The following TBPL1 variants were observed in gnomAD, a reference collection of about 807,000 sequenced individuals.
TBPL1 encodes the protein TATA box-binding protein-like 1.
A neutral mutation model predicts 22.1 loss-of-function variants in TBPL1; 4 were observed. The observed-to-expected ratio is 0.18, with a 90% CI of 0.09 to 0.41. The LOEUF is 0.41. Among genes scored for constraint, TBPL1 ranks in the 10% least tolerant of loss-of-function variants. The probability of loss-of-function intolerance (pLI) is 1.00; values close to 1 mark genes in which losing one functional copy is unlikely to be tolerated. For missense variants in TBPL1, 115 were observed against 222.3 expected (o/e 0.52, Z 3.07); for synonymous variants, 64 against 71.0 (o/e 0.90, Z 0.50).
chr6:133,984,612 G>C lies in TBPL1; in HGVS notation c.422G>C (p.Arg141Pro). 6.2e-7 allele frequency: 1 copy of C among 1,612,966 alleles called. No homozygotes were observed. The highest frequency in any genetic ancestry group is 2.2e-5 in the East Asian group (1 of 44,818). ...GAACTTCATCCTGCTGTGTGCTATC[G>C]GATAAAATCTCTAAGAGCTACATTA... ...EPELHPAVCYRIKSLRATLQI... is the reference protein window; with the variant it reads ...EPELHPAVCYPIKSLRATLQI... The change falls in exon 6 of 7, where the codon CGG (arginine) becomes CCG (proline). Residue 141 changes from arginine to proline, a missense_variant. Coordinates refer to ENST00000237264, the MANE Select transcript of TBPL1 (RefSeq NM_004865.4).
intron 5 of TBPL1, 24 bp downstream of exon 5, chr6:133,984,503 T>G (rs768489061): frequency 6.2e-7 from 1 of 1,611,542 alleles, no homozygotes; most frequent in East Asian, 2.2e-5. Context: ...GCAATTTATC[T>G]TGAGAAATTA....
chr6:133,962,454 G>T (rs1160147642), intron 1 of TBPL1, among the ~76,000 whole-genome samples: 6 of 152,208 alleles, frequency 3.9e-5, no homozygotes, highest in Admixed American at 3.9e-4. Flanking sequence ...AGAAGAATGA[G>T]AGATGAAGGA....
rs200249148 is a variant in TBPL1, at chr6:133,987,648, G to GTGTGTATATATATATATATATA, written c.*609_*610insGTGTATATATATATATATATAT. 1.2e-4 allele frequency: 11 copies of GTGTGTATATATATATATATATA among 88,312 alleles called. No homozygotes were observed. The highest frequency in any genetic ancestry group is 4.0e-4 in the African/African-American group (11 of 27,494). The allele number at this position is 88,312 out of a possible 1,614,324, so 5.5% of individuals were successfully genotyped here. A position where few individuals can be genotyped will look rare whatever the true frequency, so the allele number is the denominator to read the frequency against. On this transcript the variant is annotated 3_prime_UTR_variant, in exon 7 of 7. Coordinates refer to ENST00000237264, the MANE Select transcript of TBPL1 (RefSeq NM_004865.4). The stretch of plus-strand genomic sequence containing the variant: ...TTTGTGTGTGTGTGTGTGTGTGTGT[G>GTGTGTATATATATATATATATA]TATATATATATATATATATGCACCA...
rs535649859 is a variant in TBPL1, at chr6:133,984,363, T to G, written c.283-13T>G. The G allele has an allele frequency of 1.3e-6, 2 of 1,564,588 alleles. 1 individual carries two copies. The highest frequency in any genetic ancestry group is 2.3e-5 in the South Asian group (2 of 86,026). Reference sequence around the variant, plus strand: ...TCAAAATAAATTTATTGAATTTTACTTCTCTCCTAAAGGTAATATTTACAG... The same window carrying G: ...TCAAAATAAATTTATTGAATTTTACGTCTCTCCTAAAGGTAATATTTACAG... On this transcript the variant is annotated splice_polypyrimidine_tract_variant and intron_variant, in intron 4 of 6. Transcript: ENST00000237264.
intron 6 of TBPL1, chr6:133,985,746 A>G (rs948982239): frequency 1.9e-4 from 29 of 152,190 alleles, no homozygotes; most frequent in African/African-American, 5.8e-4. Context: ...TAGTCTCTCA[A>G]CAAATAAACT....
chr6:133,984,400 G>C lies in TBPL1; in HGVS notation c.307G>C (p.Val103Leu). The change falls in exon 5 of 7, where the codon GTT (valine) becomes CTT (leucine). Residue 103 changes from valine to leucine, a missense_variant. Val to Leu is a conservative substitution (Grantham distance 32, BLOSUM62 1). Transcript: ENST00000237264. ...FQVIFTDFKVVNVLAVCNMPF... is the reference protein window; with the variant it reads ...FQVIFTDFKVLNVLAVCNMPF... Reference sequence around the variant, plus strand: ...GGTAATATTTACAGATTTTAAGGTTGTTAACGTTCTGGCAGTGTGTAACAT... The same window carrying C: ...GGTAATATTTACAGATTTTAAGGTTCTTAACGTTCTGGCAGTGTGTAACAT... 1 of 1,612,806 alleles carries C rather than the reference G, an allele frequency of 6.2e-7. No homozygotes were observed. Among genetic ancestry groups the C allele is most frequent in the Non-Finnish European group, 8.5e-7 (1 of 1,179,516 alleles).
Position 133,980,279 on chromosome 6 carries a change from G to T in TBPL1, c.135+19G>T. The T allele has an allele frequency of 1.3e-6, 2 of 1,591,944 alleles. No individual in the cohort carries two copies. Among genetic ancestry groups the T allele is most frequent in the Non-Finnish European group, 1.7e-6 (2 of 1,171,782 alleles). On this transcript the variant is annotated intron_variant, in intron 2 of 6. Transcript: ENST00000237264. Reference sequence around the variant, plus strand: ...TGTTGGAGTAAGTATCTGAGTTTTCGTATTTGTACTACATAGCCTAATTTT... The same window carrying T: ...TGTTGGAGTAAGTATCTGAGTTTTCTTATTTGTACTACATAGCCTAATTTT...
chr6:133,955,470 A>G (rs560427331), intron 1 of TBPL1, among the ~76,000 whole-genome samples: 4 of 151,854 alleles, frequency 2.6e-5, no homozygotes, highest in Admixed American at 2.6e-4. Context: ...CTGCATGTGC[A>G]TTTCATTAAT....
At position 133,985,296 on chromosome 6, in the gene TBPL1, AAATATATATATATATATATAT is replaced by A. The variant is rs1230603935; in HGVS notation, c.481+627_481+647del. ...CTGTCTAAAAAAAAAAAAAAAAAAAAAATATATATATATATATATATATATATATATATATATATATACACA... is the reference window on the plus strand; with the variant it reads ...CTGTCTAAAAAAAAAAAAAAAAAAAAATATATATATATATATATATACACA... On this transcript the variant is annotated intron_variant, in intron 6 of 6. Coordinates refer to ENST00000237264, the MANE Select transcript of TBPL1 (RefSeq NM_004865.4). Among the ~76,000 whole-genome samples the A allele has an allele frequency of 7.2e-4, 50 of 69,006 alleles. 11 individuals carry two copies. Among genetic ancestry groups the A allele is most frequent in the Non-Finnish European group, 9.8e-4 (35 of 35,608 alleles). 45.3% of individuals were successfully genotyped at this position (69,006 alleles called of 152,430 possible).
At chr6:133,960,683 A>G (rs762632464) in intron 1 of TBPL1, among the ~76,000 whole-genome samples, 1 of 152,136 alleles carries the variant, frequency 6.6e-6, no homozygotes, top group Non-Finnish European at 1.5e-5. Flanking sequence ...CTCTTTGGGT[A>G]TAGAGGAAAA....
chr6:133,975,384 A>G lies in TBPL1; in HGVS notation c.-44-4698A>G, dbSNP rs1776296239. 4.6e-5 allele frequency among the ~76,000 whole-genome samples: 6 copies of G among 129,226 alleles called. No individual in the cohort carries two copies. In the South Asian group the frequency reaches 1.5e-3, roughly 31 times the overall value. 84.8% of individuals were successfully genotyped at this position (129,226 alleles called of 152,430 possible). On this transcript the variant is annotated intron_variant, in intron 1 of 6. Coordinates refer to ENST00000237264, the MANE Select transcript of TBPL1 (RefSeq NM_004865.4). ...GACATGAATTATTTTAAAACTCTTAAAGAAATTGAATTTAAAAGTTTAAAT... is the reference window on the plus strand; with the variant it reads ...GACATGAATTATTTTAAAACTCTTAGAGAAATTGAATTTAAAAGTTTAAAT...
chr6:133,976,690 GA>G (rs1183701488), intron 1 of TBPL1, among the ~76,000 whole-genome samples: 1 of 152,076 alleles, frequency 6.6e-6, no homozygotes, highest in Non-Finnish European at 1.5e-5. Flanking sequence ...ATGCTTTGTA[GA>G]AACTGAGCTA....
intron 2 of TBPL1, 93 bp from the exon 3 acceptor site, chr6:133,982,475 A>AGCT: frequency 9.5e-7 from 1 of 1,057,172 alleles, no homozygotes; most frequent in Non-Finnish European, 1.4e-6. Flanking sequence ...ATAAGCTTGG[A>AGCT]GAGTAGTATT....
At chr6:133,961,388 G>A (rs546188115) in intron 1 of TBPL1, among the ~76,000 whole-genome samples, 3 of 151,750 alleles carry the variant, frequency 2.0e-5, no homozygotes, top group African/African-American at 4.8e-5. Flanking sequence ...GCCCTCTGCC[G>A]GGTTGCTCTT....
Position 133,982,888 on chromosome 6 carries a change from T to C in TBPL1, c.282+8T>C. ...CAGAAACTAGGTTTTCAGGTAACGTTTTCAAATAGTATCTAAACTACAAAT... is the reference window on the plus strand; with the variant it reads ...CAGAAACTAGGTTTTCAGGTAACGTCTTCAAATAGTATCTAAACTACAAAT... On this transcript the variant is annotated splice_region_variant and intron_variant, in intron 4 of 6. Coordinates refer to ENST00000237264, the MANE Select transcript of TBPL1 (RefSeq NM_004865.4). 1 of 1,598,440 alleles carries C rather than the reference T, an allele frequency of 6.3e-7. No individual in the cohort carries two copies. The highest frequency in any genetic ancestry group is 8.5e-7 in the Non-Finnish European group (1 of 1,174,920).
intron 1 of TBPL1, among the ~76,000 whole-genome samples, chr6:133,961,735 A>G (rs1034017688): frequency 2.0e-5 from 3 of 152,118 alleles, no homozygotes; most frequent in African/African-American, 7.2e-5. Flanking sequence ...AAGTGCTGGG[A>G]TTACAGGTGT....
At chr6:133,963,719 TC>T (rs1174285897) in intron 1 of TBPL1, among the ~76,000 whole-genome samples, 1 of 151,108 alleles carries the variant, frequency 6.6e-6, no homozygotes, top group Non-Finnish European at 1.5e-5. Context: ...ACCAGGCCTG[TC>T]CTTGTCTTTT....
intron 1 of TBPL1, among the ~76,000 whole-genome samples, chr6:133,972,204 T>TA (rs913801156): frequency 3.9e-5 from 6 of 152,274 alleles, no homozygotes; most frequent in South Asian, 2.1e-4. Context: ...TCTACATCTC[T>TA]AAAAAAAGTC....
chr6:133,952,409 T>A (rs1008963663), upstream of TBPL1: 6 of 152,634 alleles, frequency 3.9e-5, no homozygotes, highest in African/African-American at 1.4e-4. This position sits in a 1 kb window ranked among gnomAD's most constrained non-coding sequence, Gnocchi z 4.5. Context: ...ACTCCCATCC[T>A]TCCTGGATCC....
Sources: allele counts gnomAD v4.1 joint callset (sites outside exome capture counted in the v4.1 genomes callset), GRCh38; gene constraint gnomAD v4.1.1; non-coding constraint Gnocchi (gnomAD v3.1); transcripts MANE v1.5; gene names NCBI Gene and HGNC (gene_info 2026-07-23, HGNC 2026-07-21).